Variants in TINAGL1 observed in about 807,000 individuals in gnomAD.
TINAGL1 encodes the protein tubulointerstitial nephritis antigen like 1, also known as tubulointerstitial nephritis antigen-like.
Under a neutral mutation model 62.0 loss-of-function variants are expected in TINAGL1, and 34 were observed. That is an observed-to-expected ratio of 0.55 (90% CI 0.42 to 0.73). TINAGL1 has a LOEUF of 0.73. Among genes scored for constraint, TINAGL1 ranks in the 30% least tolerant of loss-of-function variants. TINAGL1 has a pLI of 0.00. For missense variants in TINAGL1, 516 were observed against 653.2 expected, an observed-to-expected ratio of 0.79 and a Z score of 2.29; for synonymous variants, 221 against 249.7, an observed-to-expected ratio of 0.88 and a Z score of 1.08.
At position 31,584,353 on chromosome 1, in the gene TINAGL1, A is replaced by G; in HGVS notation, c.583-325A>G. 3.0e-6 allele frequency: 1 copy of G among 336,482 alleles called. No individual in the cohort carries two copies. Among genetic ancestry groups the G allele is most frequent in the Non-Finnish European group, 5.7e-6 (1 of 175,162 alleles). 20.8% of individuals were successfully genotyped at this position (336,482 alleles called of 1,614,324 possible). A position where few individuals can be genotyped will look rare whatever the true frequency, so the allele number is the denominator to read the frequency against. ...AGGCCGATCAGAAGGTGCAGAGGAA[A>G]GAGGCAGGGGTTGAGAATGGAAAGC... On this transcript the variant is annotated intron_variant, in intron 5 of 11. Transcript: ENST00000271064. The surrounding 1 kb of genome is among the most constrained non-coding windows in gnomAD (Gnocchi z 4.0).
At chr1:31,580,659 T>A in intron 3 of TINAGL1, 1 of 1,288,864 alleles carries the variant, frequency 7.8e-7, no homozygotes, top group South Asian at 1.2e-5. Flanking sequence ...TTGAGGCTCC[T>A]TAAAAGGCAA....
rs1639292004 is a variant in TINAGL1, at chr1:31,583,177, T to C, written c.403T>C (p.Cys135Arg). 1 of 1,614,078 alleles carries C rather than the reference T, an allele frequency of 6.2e-7. No homozygotes were observed. The highest frequency in any genetic ancestry group is 1.3e-5 in the African/African-American group (1 of 74,920). Reference protein sequence around the residue: ...CTCQENRQWQCDQEPCLVDPD... With the variant: ...CTCQENRQWQRDQEPCLVDPD... ...CTGCCAGGAGAACAGGCAGTGGCAG[T>C]GTGACCAAGAACCATGCCTGGTGGA... Residue 135 changes from cysteine (C) to arginine (R), a missense_variant, in exon 4 of 12, where the codon TGT becomes CGT. Transcript: ENST00000271064. The surrounding 1 kb of genome is among the most constrained non-coding windows in gnomAD (Gnocchi z 4.4).
Position 31,584,717 on chromosome 1 carries a change from G to A in TINAGL1, c.622G>A (p.Glu208Lys), listed in dbSNP as rs554152259. The A allele has an allele frequency of 2.2e-5, 35 of 1,614,014 alleles. No individual in the cohort carries two copies. Among genetic ancestry groups the A allele is most frequent in the Middle Eastern group, 3.3e-4 (2 of 6,020 alleles). The change falls in exon 6 of 12, where the codon GAG becomes AAG. Residue 208 changes from glutamate to lysine, a missense_variant. Glu to Lys is a moderately conservative substitution (Grantham distance 56). Coordinates refer to ENST00000271064, the MANE Select transcript of TINAGL1 (RefSeq NM_022164.3). The surrounding 1 kb of genome is among the most constrained non-coding windows in gnomAD (Gnocchi z 4.0). ...NPGEVLPTAFEASEKWPNLIH... is the reference protein window; with the variant it reads ...NPGEVLPTAFKASEKWPNLIH... ...AGGGGAGGTGCTTCCCACAGCCTTC[G>A]AGGCCTCTGAGAAGTGGCCCAACCT...
Position 31,576,722 on chromosome 1 carries a change from G to A in TINAGL1, c.-16+127G>A, listed in dbSNP as rs1443972593. On this transcript the variant is annotated intron_variant, in intron 1 of 11. Coordinates refer to ENST00000271064, the MANE Select transcript of TINAGL1 (RefSeq NM_022164.3). The surrounding 1 kb of genome is among the most constrained non-coding windows in gnomAD (Gnocchi z 5.1). ...AGTGGAGGGGGACAGAGGGACACAG[G>A]AACAGAAGAGAGGTGTACCCAAAAG... 3 of 169,206 alleles carry A rather than the reference G, an allele frequency of 1.8e-5. No individual in the cohort carries two copies. The highest frequency in any genetic ancestry group is 3.8e-5 in the Non-Finnish European group (3 of 79,070). The allele number at this position is 169,206 out of a possible 1,614,324, so 10.5% of individuals were successfully genotyped here.
intron 10 of TINAGL1, chr1:31,586,236 T>C: frequency 6.8e-6 from 2 of 292,800 alleles, no homozygotes; most frequent in South Asian, 1.1e-4. Flanking sequence ...CCTATCCGAT[T>C]TAGGGAATAT....
chr1:31,587,156 C>A lies in TINAGL1; in HGVS notation c.*177C>A. ...CAGCGCCCCGCCTGGGAGCCGCGGG[C>A]AGGCGAGACTGGCGGAGCCCCCAGA... On this transcript the variant is annotated 3_prime_UTR_variant, in exon 12 of 12. Coordinates refer to ENST00000271064, the MANE Select transcript of TINAGL1 (RefSeq NM_022164.3). 9.9e-7 allele frequency: 1 copy of A among 1,012,788 alleles called. No homozygotes were observed. Among genetic ancestry groups the A allele is most frequent in the Non-Finnish European group, 1.3e-6 (1 of 775,630 alleles). The allele number at this position is 1,012,788 out of a possible 1,614,324, so 62.7% of individuals were successfully genotyped here.
Position 31,577,670 on chromosome 1 carries a change from T to C in TINAGL1, c.310+212T>C. 2 of 588,860 alleles carry C rather than the reference T, an allele frequency of 3.4e-6. No individual in the cohort carries two copies. Among genetic ancestry groups the C allele is most frequent in the Non-Finnish European group, 5.8e-6 (2 of 343,564 alleles). 36.5% of individuals were successfully genotyped at this position (588,860 alleles called of 1,614,324 possible). ...AATTTGGCCCAGGGAAAGGGCAACCTCCCACATTTTCTCCCAATCCTGTCT... is the reference window on the plus strand; with the variant it reads ...AATTTGGCCCAGGGAAAGGGCAACCCCCCACATTTTCTCCCAATCCTGTCT... On this transcript the variant is annotated intron_variant, in intron 2 of 11. Transcript: ENST00000271064. This position sits in a 1 kb window ranked among gnomAD's most constrained non-coding sequence, Gnocchi z 5.4.
In TINAGL1 at chr1:31,577,159, G is replaced by A; in HGVS notation, c.11G>A (p.Cys4Tyr). The A allele has an allele frequency of 6.5e-7, 1 of 1,536,066 alleles. No homozygotes were observed. The highest frequency in any genetic ancestry group is 8.7e-7 in the Non-Finnish European group (1 of 1,145,134). Residue 4 changes from cysteine to tyrosine, a missense_variant, in exon 2 of 12, where the codon TGT becomes TAT. Coordinates refer to ENST00000271064, the MANE Select transcript of TINAGL1 (RefSeq NM_022164.3). The surrounding 1 kb of genome is among the most constrained non-coding windows in gnomAD (Gnocchi z 5.4). MWR[C>Y]PLGLLLLLPL... is the part of the protein sequence containing the mutation. ...GGCCCAGGAGCCACCATGTGGCGAT[G>A]TCCACTGGGGCTACTGCTGTTGCTG...
chr1:31,585,217 CT>C lies in TINAGL1; in HGVS notation c.925del (p.Cys309ValfsTer2), dbSNP rs763069275. On this transcript the variant is annotated frameshift_variant, in exon 8 of 12. Transcript: ENST00000271064. LOFTEE classifies it high-confidence loss of function. The surrounding 1 kb of genome is among the most constrained non-coding windows in gnomAD (Gnocchi z 4.3). ...ERDEAGPAPP[C>X]MMHSRAMGRG... The stretch of plus-strand genomic sequence containing the variant: ...GAGACGAGGCTGGCCCTGCGCCCCC[CT>C]GTATGATGCACAGCCGAGCCATGGG... 6 of 1,613,004 alleles carry C rather than the reference CT, an allele frequency of 3.7e-6. No homozygotes were observed. Among genetic ancestry groups the C allele is most frequent in the Admixed American group, 3.3e-5 (2 of 59,828 alleles).
In TINAGL1 at chr1:31,577,391, C is replaced by T. The variant is rs747532624; in HGVS notation, c.243C>T (p.Val81=). ...GTGACCTCTTCTGCAACCGCACGGT[C>T]TCCGACTGCTGCCCTGACTTCTGGG... ...CYCDLFCNRT[V]SDCCPDFWDF... The change falls in exon 2 of 12, where the codon GTC becomes GTT. Residue 81 remains valine, a synonymous_variant. Coordinates refer to ENST00000271064, the MANE Select transcript of TINAGL1 (RefSeq NM_022164.3). This position sits in a 1 kb window ranked among gnomAD's most constrained non-coding sequence, Gnocchi z 5.4. 2 of 1,614,010 alleles carry T rather than the reference C, an allele frequency of 1.2e-6. No homozygotes were observed. The highest frequency in any genetic ancestry group is 1.1e-5 in the South Asian group (1 of 91,084).
intron 3 of TINAGL1, among the ~76,000 whole-genome samples, chr1:31,582,863 G>T (rs545030310): frequency 1.3e-5 from 2 of 149,116 alleles, no homozygotes; most frequent in Admixed American, 6.7e-5. Flanking sequence ...AGTGAGGGGG[G>T]TCAGGAATTC....
rs754638746 is a variant in TINAGL1, at chr1:31,586,919, C to T, written c.1344C>T (p.Ile448=). 6.5e-7 allele frequency: 1 copy of T among 1,540,732 alleles called. No individual in the cohort carries two copies. The highest frequency in any genetic ancestry group is 1.7e-4 in the Middle Eastern group (1 of 5,734). ...TGCGCGGCGTCAATGAGTGCGACAT[C>T]GAGAGCTTCGTGCTGGGCGTCTGGG... The part of the protein sequence containing the change: ...RIVRGVNECD[I]ESFVLGVWGR... The change falls in exon 12 of 12, where the codon ATC becomes ATT. Residue 448 remains isoleucine (I), a synonymous_variant. Coordinates refer to ENST00000271064, the MANE Select transcript of TINAGL1 (RefSeq NM_022164.3).
chr1:31,586,580 TGCCTGAG>T (rs1417225681), intron 10 of TINAGL1, 123 bp from the exon 11 acceptor site: 6 of 1,036,026 alleles, frequency 5.8e-6, no homozygotes, highest in Admixed American at 4.0e-5. Flanking sequence ...TACAGAGACC[TGCCTGAG>T]CCCTAAGGGT....
chr1:31,580,622 C>G (rs1446961162), intron 3 of TINAGL1: 1 of 1,289,360 alleles, frequency 7.8e-7, no homozygotes, highest in Admixed American at 2.3e-5. Context: ...GGCTGGAAAG[C>G]CCAGCCATAC....
rs17497479 is a variant in TINAGL1 at position 31,577,353 on chromosome 1, G to A, written c.205G>A (p.Ala69Thr). 13 of 1,613,872 alleles carry A rather than the reference G, an allele frequency of 8.1e-6. No individual in the cohort carries two copies. The highest frequency in any genetic ancestry group is 4.0e-5 in the African/African-American group (3 of 74,938). ...CGACTGTGCCCTGCCCTACCTGGGC[G>A]CCATCTGTTACTGTGACCTCTTCTG... ...ADDCALPYLG[A>T]ICYCDLFCNR... The change falls in exon 2 of 12, where the codon GCC becomes ACC. Residue 69 changes from alanine (A) to threonine (T), a missense_variant. Transcript: ENST00000271064. This position sits in a 1 kb window ranked among gnomAD's most constrained non-coding sequence, Gnocchi z 5.4.
Position 31,586,062 on chromosome 1 carries a change from C to A in TINAGL1, c.1217+186C>A, listed in dbSNP as rs1484039105. The A allele has an allele frequency of 5.3e-6, 4 of 748,024 alleles. No individual in the cohort carries two copies. The African/African-American group carries it at 7.3e-5, about 14-fold the overall frequency. The allele number at this position is 748,024 out of a possible 1,614,324, so 46.3% of individuals were successfully genotyped here. ...GGGTCGAATTGAAGGTTGGGAGCCT[C>A]TGAAGGCTTTTTTAGGAACTGTTCC... On this transcript the variant is annotated intron_variant, in intron 10 of 11. Transcript: ENST00000271064.
intron 2 of TINAGL1, 101 bp from the exon 3 acceptor site, chr1:31,579,103 G>T (rs1189340253): frequency 1.2e-6 from 1 of 810,024 alleles, no homozygotes; most frequent in Admixed American, 1.9e-5. Context: ...GAAAGAGAGA[G>T]AATCTTGGAA....
intron 2 of TINAGL1, 103 bp from the exon 3 acceptor site, chr1:31,579,101 G>T (rs1570197899): frequency 2.5e-6 from 2 of 799,582 alleles, no homozygotes; most frequent in East Asian, 2.4e-5. Context: ...GAGAAAGAGA[G>T]AGAATCTTGG....
In TINAGL1 at chr1:31,584,869, C is replaced by G; in HGVS notation, c.707-17C>G. On this transcript the variant is annotated splice_polypyrimidine_tract_variant and intron_variant, in intron 6 of 11. Transcript: ENST00000271064. This position sits in a 1 kb window ranked among gnomAD's most constrained non-coding sequence, Gnocchi z 4.0. ...AGTCCTGAGCCTCCCGACAGCCCCT[C>G]TATCTCACCCCACCAGCTGTGGCAT... The G allele has an allele frequency of 1.9e-6, 3 of 1,612,462 alleles. No homozygotes were observed. Among genetic ancestry groups the G allele is most frequent in the Non-Finnish European group, 2.5e-6 (3 of 1,178,566 alleles).
Sources: allele counts gnomAD v4.1 joint callset (sites outside exome capture counted in the v4.1 genomes callset), GRCh38; gene constraint gnomAD v4.1.1; non-coding constraint Gnocchi (gnomAD v3.1); transcripts MANE v1.5; gene names NCBI Gene and HGNC (gene_info 2026-07-23, HGNC 2026-07-21).